Variants in ZNF423 observed in about 807,000 individuals in gnomAD.
The protein encoded by ZNF423 is zinc finger protein 423, also known as Ebf-associated zinc finger protein.
In ZNF423, 12 loss-of-function variants were observed where a neutral mutation model predicts 95.8. The observed-to-expected ratio is 0.13, with a 90% CI of 0.08 to 0.20. The LOEUF (loss-of-function observed/expected upper bound fraction) is 0.20, where lower values mean the gene tolerates loss of function less well. Among genes scored for constraint, ZNF423 ranks in the 10% least tolerant of loss-of-function variants. The pLI, the probability that ZNF423 is intolerant of heterozygous loss-of-function variation, is 1.00. For synonymous variants in ZNF423, 749 were observed against 711.9 expected (o/e 1.05, Z -0.83); for missense variants, 1,316 against 1,737.1 (o/e 0.76, Z 4.31).
At chr16:49,561,169 T>A (rs965063670) in intron 5 of ZNF423, among the ~76,000 whole-genome samples, 1 of 152,228 alleles carries the variant, frequency 6.6e-6, no homozygotes, top group Non-Finnish European at 1.5e-5. Flanking sequence ...GAGAGCCAAC[T>A]GTGCGTTTCT....
chr16:49,604,051 G>A (rs992209260), intron 5 of ZNF423, among the ~76,000 whole-genome samples: 6 of 152,184 alleles, frequency 3.9e-5, no homozygotes, highest in Non-Finnish European at 8.8e-5. Flanking sequence ...TACGATACCG[G>A]TGTCTGAGCT....
At chr16:49,714,409 C>A (rs1596905350) in intron 3 of ZNF423, among the ~76,000 whole-genome samples, 1 of 152,156 alleles carries the variant, frequency 6.6e-6, no homozygotes, top group Non-Finnish European at 1.5e-5. Flanking sequence ...GTAATCCCAG[C>A]ACTTTGGGAG....
intron 7 of ZNF423, among the ~76,000 whole-genome samples, chr16:49,493,106 A>G (rs1346419713): frequency 6.6e-6 from 1 of 151,696 alleles, no homozygotes; most frequent in African/African-American, 2.4e-5. Flanking sequence ...GGGAACCCGC[A>G]CCCTCCAGCC....
intron 1 of ZNF423, among the ~76,000 whole-genome samples, chr16:49,840,138 C>T (rs1253350131): frequency 1.3e-5 from 2 of 152,134 alleles, no homozygotes. Context: ...AAACCTAAAC[C>T]GTGCCCCAGA....
chr16:49,699,926 C>T (rs8053189), intron 3 of ZNF423, among the ~76,000 whole-genome samples: 3,140 of 152,176 alleles, frequency 0.021, 97 homozygotes, highest in African/African-American at 0.071. Flanking sequence ...GACCCCACCC[C>T]ACAGCAGCTC....
chr16:49,770,871 G>C (rs909971114), intron 2 of ZNF423, among the ~76,000 whole-genome samples: 1 of 152,198 alleles, frequency 6.6e-6, no homozygotes, highest in African/African-American at 2.4e-5. Context: ...GGTGGCCTCT[G>C]AATCCAGCCA....
intron 2 of ZNF423, among the ~76,000 whole-genome samples, chr16:49,744,677 A>G (rs948060915): frequency 1.2e-4 from 18 of 152,304 alleles, no homozygotes; most frequent in African/African-American, 4.3e-4. Context: ...CTAGGCAAAG[A>G]GATGCAGAGA....
At chr16:49,597,033 T>C (rs1402504313) in intron 5 of ZNF423, among the ~76,000 whole-genome samples, 1 of 152,162 alleles carries the variant, frequency 6.6e-6, no homozygotes, top group African/African-American at 2.4e-5. Flanking sequence ...CTAAGAGCTC[T>C]CTCTGGGCAT....
At chr16:49,566,651 C>T (rs919804649) in intron 5 of ZNF423, among the ~76,000 whole-genome samples, 1 of 152,148 alleles carries the variant, frequency 6.6e-6, no homozygotes, top group Non-Finnish European at 1.5e-5. Context: ...TAATTAAGTG[C>T]ATGAATTACA....
rs200570125 is a variant in ZNF423 at position 49,500,389 on chromosome 16, TG to T, written c.3850-9086del. 1.4e-3 allele frequency among the ~76,000 whole-genome samples: 219 copies of T among 152,304 alleles called. 3 individuals carry two copies. In the East Asian group the frequency reaches 0.036, roughly 25 times the overall value. Reference sequence around the variant, plus strand: ...AAATGCTGCACTGATCTTGTCAACCTGTGGCCACTGCAAACTCCATTCTAAC... The same window carrying T: ...AAATGCTGCACTGATCTTGTCAACCTTGGCCACTGCAAACTCCATTCTAAC... On this transcript the variant is annotated intron_variant, in intron 7 of 7. Transcript: ENST00000563137.
chr16:49,712,376 G>C (rs924298976), intron 3 of ZNF423, among the ~76,000 whole-genome samples: 3 of 152,092 alleles, frequency 2.0e-5, no homozygotes, highest in African/African-American at 7.2e-5. Context: ...TCTTAGGAAT[G>C]TCCAGAGGGG....
intron 1 of ZNF423, among the ~76,000 whole-genome samples, chr16:49,836,889 A>G (rs1026557337): frequency 2.0e-5 from 3 of 152,120 alleles, no homozygotes; most frequent in South Asian, 2.1e-4. Flanking sequence ...TAGGAAAATG[A>G]GCTCAGACCC....
At chr16:49,703,934 G>C (rs2032272034) in intron 3 of ZNF423, among the ~76,000 whole-genome samples, 2 of 152,238 alleles carry the variant, frequency 1.3e-5, no homozygotes, top group Admixed American at 1.3e-4. Context: ...GAAGAGGTGA[G>C]TGAAGCAACT....
At chr16:49,672,632 C>T (rs927951284) in intron 3 of ZNF423, among the ~76,000 whole-genome samples, 67 of 152,276 alleles carry the variant, frequency 4.4e-4, no homozygotes, top group African/African-American at 1.6e-3. Context: ...GCCTGGCCAA[C>T]ATGGCGAAAC....
At chr16:49,746,302 T>G (rs900544799) in intron 2 of ZNF423, among the ~76,000 whole-genome samples, 6 of 152,036 alleles carry the variant, frequency 3.9e-5, no homozygotes, top group Non-Finnish European at 8.8e-5. Flanking sequence ...CAGCTTCCTG[T>G]GAGAGCGGGT....
intron 2 of ZNF423, among the ~76,000 whole-genome samples, chr16:49,782,499 A>G (rs2034228927): frequency 6.6e-6 from 1 of 152,244 alleles, no homozygotes; most frequent in Admixed American, 6.5e-5. Flanking sequence ...ACAGTGCGAC[A>G]CCAATAAGGT....
chr16:49,725,524 G>A (rs926267235), intron 3 of ZNF423, among the ~76,000 whole-genome samples: 3 of 152,152 alleles, frequency 2.0e-5, no homozygotes, highest in Admixed American at 6.5e-5. Context: ...GAACATAACG[G>A]GGAACAAAAC....
At chr16:49,836,942 G>T (rs1291331725) in intron 1 of ZNF423, among the ~76,000 whole-genome samples, 4 of 152,166 alleles carry the variant, frequency 2.6e-5, no homozygotes, top group Non-Finnish European at 5.9e-5. Context: ...GGGAGAGCCT[G>T]AGCAATAGGT....
intron 2 of ZNF423, among the ~76,000 whole-genome samples, chr16:49,732,555 C>T (rs1404961236): frequency 1.3e-5 from 2 of 152,120 alleles, no homozygotes; most frequent in Admixed American, 6.6e-5. Flanking sequence ...TGCAAAAGTG[C>T]GTGTATGTGC....
Sources: gnomAD v4.1 joint callset for allele counts (sites outside exome capture counted in the v4.1 genomes callset) on GRCh38, gnomAD v4.1.1 for gene constraint, MANE v1.5 for transcripts, NCBI Gene and HGNC (gene_info 2026-07-23, HGNC 2026-07-21) for gene names.